AK5: variants seen among roughly 807,000 people sequenced by gnomAD.
AK5 encodes the protein adenylate kinase isoenzyme 5.
AK5 carries 27 observed loss-of-function variants against 69.5 expected under a neutral mutation model. That is an observed-to-expected ratio of 0.39 (90% CI 0.29 to 0.54). The LOEUF (loss-of-function observed/expected upper bound fraction) is 0.54. Ranked by LOEUF, AK5 falls within the 20% of genes least tolerant of loss-of-function variation. The pLI, the probability that AK5 is intolerant of heterozygous loss-of-function variation, is 0.71. For synonymous variants in AK5, 260 were observed against 244.4 expected (o/e 1.06, Z -0.60); for missense variants, 531 against 700.4 (o/e 0.76, Z 2.73).
chr1:77,353,942 CA>C (rs1662354889), intron 6 of AK5, among the ~76,000 whole-genome samples: 1 of 152,296 alleles, frequency 6.6e-6, no homozygotes, highest in South Asian at 2.1e-4. Context: ...GAAGGATGTA[CA>C]AAAGGCTGCA....
chr1:77,512,022 T>G (rs1279003367), intron 10 of AK5, among the ~76,000 whole-genome samples: 2 of 152,018 alleles, frequency 1.3e-5, no homozygotes, highest in Non-Finnish European at 2.9e-5. Flanking sequence ...GGGGCTGAAA[T>G]TGGGTTAGTG....
At chr1:77,363,946 T>C (rs1646907989) in intron 6 of AK5, among the ~76,000 whole-genome samples, 1 of 152,216 alleles carries the variant, frequency 6.6e-6, no homozygotes, top group South Asian at 2.1e-4. Flanking sequence ...GGTTAGATTG[T>C]AAGCTCCATG....
chr1:77,554,767 G>C lies in AK5; in HGVS notation c.1621-3835G>C, dbSNP rs561483466. On this transcript the variant is annotated intron_variant, in intron 13 of 13. Transcript: ENST00000354567. ...ACTACAGGCGCCCGCCACCATGCCC[G>C]GCTATTTTTTTTTTTTTTTTTTGTA... 3.0e-3 allele frequency among the ~76,000 whole-genome samples: 372 copies of C among 122,902 alleles called. 2 individuals are homozygous for C. Among genetic ancestry groups the C allele is most frequent in the African/African-American group, 9.5e-3 (330 of 34,688 alleles). The allele number at this position is 122,902 out of a possible 152,430, so 80.6% of individuals were successfully genotyped here.
chr1:77,531,926 C>T (rs913341194), intron 12 of AK5, among the ~76,000 whole-genome samples: 48 of 151,444 alleles, frequency 3.2e-4, no homozygotes, highest in African/African-American at 1.1e-3. Flanking sequence ...AGCTAAGGCC[C>T]GGCGAGAAAT....
At chr1:77,403,433 T>C (rs1423867358) in intron 6 of AK5, among the ~76,000 whole-genome samples, 3 of 152,140 alleles carry the variant, frequency 2.0e-5, no homozygotes, top group Non-Finnish European at 4.4e-5. Flanking sequence ...GTTTTAGGTC[T>C]AACATTTAAG....
At chr1:77,553,291 A>C (rs1468723601) in intron 13 of AK5, among the ~76,000 whole-genome samples, 1 of 152,222 alleles carries the variant, frequency 6.6e-6, no homozygotes, top group African/African-American at 2.4e-5. Context: ...GAATTCAGCA[A>C]GAGGCTGGAG....
At chr1:77,469,239 C>T (rs1290966379) in intron 8 of AK5, among the ~76,000 whole-genome samples, 1 of 152,180 alleles carries the variant, frequency 6.6e-6, no homozygotes. Context: ...TGTGTGTCAA[C>T]TTTGCTAAGC....
chr1:77,492,568 G>A (rs1656062936), intron 10 of AK5, among the ~76,000 whole-genome samples: 1 of 152,174 alleles, frequency 6.6e-6, no homozygotes, highest in Non-Finnish European at 1.5e-5. Context: ...TAGCACTTAG[G>A]GATCTCAAAG....
chr1:77,425,040 TA>T (rs1300562565), intron 8 of AK5, among the ~76,000 whole-genome samples: 2 of 152,168 alleles, frequency 1.3e-5, no homozygotes, highest in Non-Finnish European at 2.9e-5. Context: ...GCCTTACCTG[TA>T]GTAGAGCGAA....
intron 11 of AK5, among the ~76,000 whole-genome samples, chr1:77,520,202 CAA>C (rs377135288): frequency 1.3e-3 from 145 of 110,506 alleles, no homozygotes; most frequent in Middle Eastern, 4.4e-3. Flanking sequence ...AACTCCATCT[CAA>C]AAAAAAAAAA....
At chr1:77,432,902 T>C (rs902690648) in intron 8 of AK5, among the ~76,000 whole-genome samples, 2 of 152,224 alleles carry the variant, frequency 1.3e-5, no homozygotes, top group African/African-American at 4.8e-5. Context: ...AAGAGTCTCA[T>C]TTTGATGGAG....
At chr1:77,530,493 C>T (rs1376367278) in intron 12 of AK5, among the ~76,000 whole-genome samples, 1 of 152,178 alleles carries the variant, frequency 6.6e-6, no homozygotes, top group Admixed American at 6.5e-5. Context: ...CTGTAGCATG[C>T]GACTTAGGCT....
At chr1:77,475,907 G>C (rs1244756238) in intron 8 of AK5, among the ~76,000 whole-genome samples, 1 of 152,096 alleles carries the variant, frequency 6.6e-6, no homozygotes, top group African/African-American at 2.4e-5. Context: ...TTCTAGCAGA[G>C]AGTTGAGTTG....
At chr1:77,549,700 C>T (rs1359594132) in intron 13 of AK5, among the ~76,000 whole-genome samples, 2 of 152,186 alleles carry the variant, frequency 1.3e-5, no homozygotes, top group Non-Finnish European at 2.9e-5. Context: ...CATTCGAAGT[C>T]TGTCTTTCTG....
intron 10 of AK5, among the ~76,000 whole-genome samples, chr1:77,507,163 T>G (rs1244401027): frequency 6.6e-6 from 1 of 152,254 alleles, no homozygotes; most frequent in African/African-American, 2.4e-5. Context: ...CTGTATTTTA[T>G]CTGGCCACCT....
intron 8 of AK5, among the ~76,000 whole-genome samples, chr1:77,454,821 G>GT (rs80041015): frequency 4.0e-4 from 59 of 149,342 alleles, no homozygotes; most frequent in Non-Finnish European, 5.1e-4. Flanking sequence ...TCTCTCTCAA[G>GT]TTTTTTTTTT....
intron 6 of AK5, among the ~76,000 whole-genome samples, chr1:77,402,348 G>A (rs1649275367): frequency 6.6e-6 from 1 of 151,932 alleles, no homozygotes; most frequent in Non-Finnish European, 1.5e-5. Flanking sequence ...ACAACGTGCA[G>A]GTTTGTTACA....
At chr1:77,418,226 A>G (rs2100583821) in intron 8 of AK5, among the ~76,000 whole-genome samples, 1 of 152,326 alleles carries the variant, frequency 6.6e-6, no homozygotes. Context: ...AAGGAGGAGC[A>G]AGTCACATCT....
chr1:77,403,987 G>A (rs532719248), intron 6 of AK5, among the ~76,000 whole-genome samples: 23 of 152,270 alleles, frequency 1.5e-4, no homozygotes, highest in South Asian at 1.0e-3. Flanking sequence ...GCAGTGGTTT[G>A]TAGTTCTCCT....
Sources: allele counts gnomAD v4.1 joint callset (sites outside exome capture counted in the v4.1 genomes callset), GRCh38; gene constraint gnomAD v4.1.1; transcripts MANE v1.5; gene names NCBI Gene and HGNC (gene_info 2026-07-23, HGNC 2026-07-21).